Variants in ANXA6 observed in about 807,000 individuals in gnomAD.
The protein encoded by ANXA6 is 67 kDa calelectrin.
In ANXA6, 71 loss-of-function variants were observed where a neutral mutation model predicts 95.4. The ratio of observed to expected loss-of-function variants is 0.74; its 90% CI spans 0.61 to 0.91. The LOEUF is 0.91. ANXA6 is among the 40% of genes least tolerant of loss of function. ANXA6 has a pLI of 0.00. For synonymous variants in ANXA6, 289 were observed against 315.9 expected (o/e 0.91, Z 0.90); for missense variants, 830 against 876.4 (o/e 0.95, Z 0.67).
chr5:151,110,542 CT>C, intron 21 of ANXA6, 84 bp downstream of exon 21: 1 of 1,472,974 alleles, frequency 6.8e-7, no homozygotes, highest in Non-Finnish European at 9.4e-7. Flanking sequence ...TCCCAAATCA[CT>C]GCTCGATACT....
chr5:151,111,023 C>A (rs1357071087), intron 20 of ANXA6, among the ~76,000 whole-genome samples: 1 of 152,150 alleles, frequency 6.6e-6, no homozygotes, highest in African/African-American at 2.4e-5. Context: ...CCTTACAGAA[C>A]CACTGAGATG....
rs141932165 is a variant in ANXA6, at chr5:151,117,074, C to A, written c.1572+53G>T. The stretch of plus-strand genomic sequence containing the variant: ...CGGCGTAGACACGCATAAGCTGGAC[C>A]TACATCTCAGGGACACCCGGCAGAG... On this transcript the variant is annotated intron_variant, in intron 20 of 25. Transcript: ENST00000354546. 4 of 1,508,344 alleles carry A rather than the reference C, an allele frequency of 2.7e-6. No homozygotes were observed. The African/African-American group carries it at 4.2e-5, about 16-fold the overall frequency. 93.4% of individuals were successfully genotyped at this position (1,508,344 alleles called of 1,614,324 possible).
In ANXA6 at chr5:151,101,330, A is replaced by ACCCCCCCCCCCCCCCCCCCCCC; in HGVS notation, c.*117_*118insGGGGGGGGGGGGGGGGGGGGGG. ...CCACTGAAGATAAGAGCCCAACCCA[A>ACCCCCCCCCCCCCCCCCCCCCC]CCCCTCCCCCCACCCCTGCCCCTTC... is the stretch of plus-strand genomic sequence containing the variant. On this transcript the variant is annotated 3_prime_UTR_variant, in exon 26 of 26. Transcript: ENST00000354546. The ACCCCCCCCCCCCCCCCCCCCCC allele has an allele frequency of 1.0e-5, 4 of 385,868 alleles. No homozygotes were observed. The highest frequency in any genetic ancestry group is 1.9e-5 in the South Asian group (1 of 52,342). 23.9% of individuals were successfully genotyped at this position (385,868 alleles called of 1,614,324 possible).
chr5:151,126,193 C>G (rs927278091), intron 14 of ANXA6, among the ~76,000 whole-genome samples: 1 of 152,162 alleles, frequency 6.6e-6, no homozygotes, highest in Non-Finnish European at 1.5e-5. Context: ...GGGCCAGAAC[C>G]CTTTCCAGCG....
rs3079845 is a variant in ANXA6, at chr5:151,126,543, A to AACACACAC, written c.978-71_978-64dup. ...TGTCATCATGGGCAACACTCACACC[A>AACACACAC]ACACACACACACACACACACACACA... On this transcript the variant is annotated intron_variant, in intron 13 of 25. Transcript: ENST00000354546. 2.2e-3 allele frequency: 1,802 copies of AACACACAC among 829,542 alleles called. 1 individual carries two copies. The highest frequency in any genetic ancestry group is 0.015 in the East Asian group (559 of 36,342). The allele number at this position is 829,542 out of a possible 1,614,324, so 51.4% of individuals were successfully genotyped here. A position where few individuals can be genotyped will look rare whatever the true frequency, so the allele number is the denominator to read the frequency against.
intron 2 of ANXA6, chr5:151,141,658 C>T (rs1765838890): frequency 1.0e-6 from 1 of 985,348 alleles, no homozygotes; most frequent in Non-Finnish European, 1.2e-6. Context: ...TGGTCTCTGT[C>T]TGCAGAGGCT....
intron 20 of ANXA6, among the ~76,000 whole-genome samples, chr5:151,114,125 G>T (rs570518515): frequency 5.3e-5 from 8 of 152,286 alleles, no homozygotes; most frequent in Admixed American, 2.0e-4. Context: ...GCTTAGGGCT[G>T]GGGGGTTAGT....
chr5:151,132,370 C>T, intron 10 of ANXA6, 106 bp downstream of exon 10: 1 of 880,348 alleles, frequency 1.1e-6, no homozygotes, highest in Non-Finnish European at 1.7e-6. Flanking sequence ...TTTTCTCCTT[C>T]CCAATTCTAT....
chr5:151,136,162 G>C (rs1765653458), intron 7 of ANXA6, 94 bp downstream of exon 7: 3 of 1,224,528 alleles, frequency 2.4e-6, no homozygotes, highest in Admixed American at 4.1e-5. Context: ...ACCAGGGGAA[G>C]CTGACCAGAC....
intron 4 of ANXA6, 190 bp from the exon 5 acceptor site, chr5:151,138,981 C>T (rs1765749004): frequency 3.3e-6 from 2 of 608,384 alleles, no homozygotes; most frequent in East Asian, 5.5e-5. Context: ...AGGTCTTACT[C>T]CATGTCATGC....
At chr5:151,151,410 G>A (rs1327979717) in intron 1 of ANXA6, 1 of 152,214 alleles carries the variant, frequency 6.6e-6, no homozygotes, top group African/African-American at 2.4e-5. Context: ...CTCAGAAAGA[G>A]AAAGTGACTT....
At chr5:151,132,840 T>G (rs1765555211) in intron 9 of ANXA6, among the ~76,000 whole-genome samples, 1 of 151,764 alleles carries the variant, frequency 6.6e-6, no homozygotes, top group Non-Finnish European at 1.5e-5. Context: ...TGTTAATGAC[T>G]TTGCTGAGGG....
chr5:151,141,036 G>A (rs1311370550), intron 2 of ANXA6, among the ~76,000 whole-genome samples: 2 of 152,248 alleles, frequency 1.3e-5, no homozygotes, highest in South Asian at 4.1e-4. Context: ...AGTAAACTGC[G>A]CTGTGAACTG....
chr5:151,139,989 A>G (rs1765781135), intron 3 of ANXA6, among the ~76,000 whole-genome samples, 164 bp downstream of exon 3: 2 of 150,284 alleles, frequency 1.3e-5, no homozygotes, highest in African/African-American at 4.9e-5. Context: ...TTTTTCTGAA[A>G]CATTTTATTA....
At chr5:151,139,233 G>A (rs1041568824) in intron 4 of ANXA6, 120 bp downstream of exon 4, 2 of 686,944 alleles carry the variant, frequency 2.9e-6, no homozygotes, top group South Asian at 3.8e-5. Flanking sequence ...AGCAGGGTAA[G>A]GTGTCAGCCC....
chr5:151,109,729 G>A (rs911372812), intron 22 of ANXA6, 24 bp downstream of exon 22: 1 of 1,570,058 alleles, frequency 6.4e-7, no homozygotes, highest in South Asian at 1.1e-5. Context: ...TGCTGAGCTG[G>A]GAAGGGAGGA....
At chr5:151,144,586 C>A (rs1033038034) in intron 2 of ANXA6, among the ~76,000 whole-genome samples, 1 of 152,058 alleles carries the variant, frequency 6.6e-6, no homozygotes. Flanking sequence ...CACGCAGACC[C>A]CAATTTCCTA....
chr5:151,140,084 C>T (rs1323172652), intron 3 of ANXA6, 69 bp downstream of exon 3: 3 of 1,430,602 alleles, frequency 2.1e-6, no homozygotes, highest in African/African-American at 2.8e-5. Flanking sequence ...CCACCACCAC[C>T]AGAAGGGCTC....
At chr5:151,106,625 C>T (rs556359477) in intron 23 of ANXA6, among the ~76,000 whole-genome samples, 15 of 152,300 alleles carry the variant, frequency 9.8e-5, no homozygotes, top group Non-Finnish European at 1.8e-4. Flanking sequence ...GATGCATTTC[C>T]TATCTGCCCT....
Sources: gnomAD v4.1 joint callset for allele counts (sites outside exome capture counted in the v4.1 genomes callset) on GRCh38, gnomAD v4.1.1 for gene constraint, MANE v1.5 for transcripts, NCBI Gene and HGNC (gene_info 2026-07-23, HGNC 2026-07-21) for gene names.